Variants in PRKRIP1 observed in about 807,000 individuals in gnomAD.
PRKRIP1 encodes the protein PRKR interacting protein 1.
A neutral mutation model predicts 29.3 loss-of-function variants in PRKRIP1; 29 were observed. The ratio of observed to expected loss-of-function variants is 0.99; its 90% confidence interval spans 0.74 to 1.35. The LOEUF (loss-of-function observed/expected upper bound fraction) is 1.35, where lower values mean the gene tolerates loss of function less well. PRKRIP1 is among the 40% of genes most tolerant of loss of function. The probability of loss-of-function intolerance (pLI) is 0.00; values close to 1 mark genes in which losing one functional copy is unlikely to be tolerated. For missense variants in PRKRIP1, 247 were observed against 236.8 expected, an observed-to-expected ratio of 1.04 and a Z score of -0.28; for synonymous variants, 90 against 85.1, an observed-to-expected ratio of 1.06 and a Z score of -0.32.
rs568608216 is a variant in PRKRIP1, at chr7:102,408,551, TG to T, written c.457+1059del. On this transcript the variant is annotated intron_variant, in intron 5 of 5. Transcript: ENST00000397912. Reference sequence around the variant, plus strand: ...GGAACTCATGGGCTGTGAATAAGGGTGGGGGGCCCCAGCTGGAAAGGGCCAA... The same window carrying T: ...GGAACTCATGGGCTGTGAATAAGGGTGGGGGCCCCAGCTGGAAAGGGCCAA... Among the ~76,000 whole-genome samples the T allele has an allele frequency of 2.3e-3, 346 of 152,146 alleles. 1 individual carries two copies. The highest frequency in any genetic ancestry group is 7.8e-3 in the African/African-American group (324 of 41,504).
chr7:102,423,419 T>C (rs1554574076), intron 5 of PRKRIP1: 3 of 300,974 alleles, frequency 1.0e-5, no homozygotes, highest in East Asian at 8.7e-5. Flanking sequence ...CGGCGCCTTA[T>C]ACGATTTCTG....
intron 5 of PRKRIP1, 131 bp from the exon 6 acceptor site, chr7:102,424,883 C>A: frequency 1.1e-6 from 1 of 870,192 alleles, no homozygotes; most frequent in Non-Finnish European, 1.7e-6. Flanking sequence ...GGACGTGAGG[C>A]ATGACCCTGG....
rs1796264127 is a variant in PRKRIP1 at position 102,407,470 on chromosome 7, G to A, written c.429G>A (p.Lys143=). 1 of 1,613,086 alleles carries A rather than the reference G, an allele frequency of 6.2e-7. No homozygotes were observed. The highest frequency in any genetic ancestry group is 8.5e-7 in the Non-Finnish European group (1 of 1,179,176). ...AAGAGAAGAAATTACTGGCAAAGAA[G>A]ATGAAACTTGAACAGAAGAAACAAG... ...KLKEKKLLAK[K]MKLEQKKQEG... The change falls in exon 5 of 6, where the codon AAG becomes AAA. Residue 143 remains lysine, a synonymous_variant. Coordinates refer to ENST00000397912, the MANE Select transcript of PRKRIP1 (RefSeq NM_024653.4).
At chr7:102,412,488 G>A (rs1796414280) in intron 5 of PRKRIP1, among the ~76,000 whole-genome samples, 1 of 152,192 alleles carries the variant, frequency 6.6e-6, no homozygotes, top group South Asian at 2.1e-4. Context: ...CCAGGTAGCC[G>A]AGGCGGCAGT....
intron 1 of PRKRIP1, 81 bp downstream of exon 1, chr7:102,396,618 C>T (rs1554570405): frequency 1.0e-5 from 15 of 1,440,660 alleles, no homozygotes; most frequent in Non-Finnish European, 7.5e-6. Flanking sequence ...CGCAGGTCCA[C>T]CTTCCCCGCC....
chr7:102,404,589 T>C lies in PRKRIP1; in HGVS notation c.307-9T>C, dbSNP rs782735945. 6 of 1,612,374 alleles carry C rather than the reference T, an allele frequency of 3.7e-6. No homozygotes were observed. In the African/African-American group the frequency reaches 8.0e-5, roughly 22 times the overall value. ...AGAGCGTGTCTAAATGATGTGGGTT[T>C]TGTTGCAGCAAAAATTGGATGCAGA... On this transcript the variant is annotated splice_polypyrimidine_tract_variant and intron_variant, in intron 3 of 5. Coordinates refer to ENST00000397912, the MANE Select transcript of PRKRIP1 (RefSeq NM_024653.4).
intron 5 of PRKRIP1, among the ~76,000 whole-genome samples, chr7:102,415,540 A>G (rs1796511869): frequency 6.6e-6 from 1 of 152,198 alleles, no homozygotes; most frequent in African/African-American, 2.4e-5. Context: ...CCAGCCCCAA[A>G]GCTATTTTAT....
Position 102,425,262 on chromosome 7 carries a change from A to T in PRKRIP1, c.*151A>T. The T allele has an allele frequency of 2.7e-6, 4 of 1,485,454 alleles. No individual in the cohort carries two copies. The highest frequency in any genetic ancestry group is 3.6e-6 in the Non-Finnish European group (4 of 1,120,760). 92.0% of individuals were successfully genotyped at this position (1,485,454 alleles called of 1,614,324 possible). The stretch of plus-strand genomic sequence containing the variant: ...CCTCCCGAGCCGCTCACAGTCCTGT[A>T]TTTGGCAGGTTTGGGAGCCTGAGGG... On this transcript the variant is annotated 3_prime_UTR_variant, in exon 6 of 6. Coordinates refer to ENST00000397912, the MANE Select transcript of PRKRIP1 (RefSeq NM_024653.4).
rs1563618823 is a variant in PRKRIP1 at position 102,411,937 on chromosome 7, T to TTTG, written c.457+4441_457+4442insGTT. On this transcript the variant is annotated intron_variant, in intron 5 of 5. Transcript: ENST00000397912. ...TTGGGCATCTTTGTTGTTGTTGTTGTTTTGTTTGTTTGTTTGTTTGTTTTT... is the reference window on the plus strand; with the variant it reads ...TTGGGCATCTTTGTTGTTGTTGTTGTTTGTTTGTTTGTTTGTTTGTTTGTTTTT... 2.8e-3 allele frequency among the ~76,000 whole-genome samples: 419 copies of TTTG among 151,210 alleles called. 2 individuals are homozygous for TTTG. The highest frequency in any genetic ancestry group is 9.7e-3 in the African/African-American group (398 of 41,206).
chr7:102,417,474 A>G (rs1554573256), intron 5 of PRKRIP1, among the ~76,000 whole-genome samples: 1 of 152,086 alleles, frequency 6.6e-6, no homozygotes, highest in Admixed American at 6.6e-5. Context: ...ATCTATCAGT[A>G]TGAGCTTGTG....
intron 4 of PRKRIP1, among the ~76,000 whole-genome samples, chr7:102,405,288 C>T (rs1349656026): frequency 6.6e-6 from 1 of 152,134 alleles, no homozygotes; most frequent in Non-Finnish European, 1.5e-5. Context: ...TCTTAAATTA[C>T]GGTTTATGAC....
At chr7:102,412,288 C>T (rs1278448950) in intron 5 of PRKRIP1, among the ~76,000 whole-genome samples, 2 of 152,188 alleles carry the variant, frequency 1.3e-5, no homozygotes, top group Non-Finnish European at 2.9e-5. Flanking sequence ...TGGACTCTGG[C>T]TCACATCTGT....
chr7:102,399,443 C>T (rs1796007064), intron 2 of PRKRIP1, 105 bp from the exon 3 acceptor site: 1 of 830,430 alleles, frequency 1.2e-6, no homozygotes, highest in East Asian at 2.4e-5. Flanking sequence ...AAGGCATGGT[C>T]CCTTCCACGA....
intron 2 of PRKRIP1, among the ~76,000 whole-genome samples, chr7:102,398,254 C>A (rs1795968959): frequency 6.6e-6 from 1 of 151,874 alleles, no homozygotes; most frequent in South Asian, 2.1e-4. Flanking sequence ...TTTTCTCCTG[C>A]AGTATTGCGG....
intron 1 of PRKRIP1, among the ~76,000 whole-genome samples, 199 bp from the exon 2 acceptor site, chr7:102,397,420 CT>C (rs1354772105): frequency 2.0e-5 from 3 of 152,016 alleles, no homozygotes; most frequent in African/African-American, 4.8e-5. Context: ...TGGTGTACGC[CT>C]GAGAGTCCTA....
intron 5 of PRKRIP1, among the ~76,000 whole-genome samples, chr7:102,418,311 A>T (rs1233202132): frequency 6.6e-6 from 1 of 152,024 alleles, no homozygotes; most frequent in South Asian, 2.1e-4. Context: ...CGGCCTCCCA[A>T]AGTGCTGGGA....
At chr7:102,407,336 A>C (rs1554571972) in intron 4 of PRKRIP1, 98 bp from the exon 5 acceptor site, 1 of 695,672 alleles carries the variant, frequency 1.4e-6, no homozygotes, top group Admixed American at 2.7e-5. Context: ...TGTTTGTGTT[A>C]TTCCGCAGGT....
At chr7:102,411,238 A>AT (rs1369297785) in intron 5 of PRKRIP1, among the ~76,000 whole-genome samples, 4 of 151,966 alleles carry the variant, frequency 2.6e-5, no homozygotes, top group Non-Finnish European at 5.9e-5. Context: ...TAATTTTTGT[A>AT]TTTTTTATAG....
At chr7:102,406,253 A>G (rs1554571807) in intron 4 of PRKRIP1, among the ~76,000 whole-genome samples, 1 of 152,106 alleles carries the variant, frequency 6.6e-6, no homozygotes, top group Non-Finnish European at 1.5e-5. Flanking sequence ...CCAGCAGCTG[A>G]CCAGCAAACA....
Sources: allele counts gnomAD v4.1 joint callset (sites outside exome capture counted in the v4.1 genomes callset), GRCh38; gene constraint gnomAD v4.1.1; transcripts MANE v1.5; gene names NCBI Gene and HGNC (gene_info 2026-07-23, HGNC 2026-07-21).